PCDHGA11: variants seen among roughly 807,000 people sequenced by gnomAD.
PCDHGA11 encodes protocadherin gamma-A11.
A neutral mutation model predicts 60.4 loss-of-function variants in PCDHGA11; 39 were observed. The observed-to-expected ratio is 0.65, with a 90% CI of 0.50 to 0.84. PCDHGA11 has a LOEUF of 0.84. Ranked by LOEUF, PCDHGA11 falls within the 40% of genes least tolerant of loss-of-function variation. The pLI, the probability that PCDHGA11 is intolerant of heterozygous loss-of-function variation, is 0.00. For missense variants in PCDHGA11, 1,165 were observed against 1,197.7 expected (o/e 0.97, Z 0.40); for synonymous variants, 533 against 510.3 (o/e 1.04, Z -0.60).
chr5:141,441,762 C>T (rs3805697), intron 1 of PCDHGA11: 63,073 of 367,490 alleles, frequency 0.17, 6,544 homozygotes, highest in Admixed American at 0.27. Context: ...CGTGAGCCTG[C>T]GCGTGTTGGT....
chr5:141,491,895 A>C lies in PCDHGA11; in HGVS notation c.2434-2912A>C. 1.4e-6 allele frequency: 2 copies of C among 1,434,306 alleles called. No individual in the cohort carries two copies. The highest frequency in any genetic ancestry group is 1.8e-6 in the Non-Finnish European group (2 of 1,084,904). 88.8% of individuals were successfully genotyped at this position (1,434,306 alleles called of 1,614,324 possible). Reference sequence around the variant, plus strand: ...CCGATTAAGGGATGGGGCTCCGAGCACCGGGGGTGGTGGCGACTGTGGGCG... The same window carrying C: ...CCGATTAAGGGATGGGGCTCCGAGCCCCGGGGGTGGTGGCGACTGTGGGCG... On this transcript the variant is annotated intron_variant, in intron 1 of 3. Transcript: ENST00000398587. The surrounding 1 kb of genome is among the most constrained non-coding windows in gnomAD (Gnocchi z 6.9).
chr5:141,510,839 C>T (rs186647886), intron 3 of PCDHGA11, 108 bp from the exon 4 acceptor site: 36 of 1,586,990 alleles, frequency 2.3e-5, no homozygotes, highest in Non-Finnish European at 3.1e-5. Context: ...TCAGCGTGGT[C>T]AAGGCCCAGG....
At chr5:141,447,238 C>G (rs1028683423) in intron 1 of PCDHGA11, among the ~76,000 whole-genome samples, 2 of 152,148 alleles carry the variant, frequency 1.3e-5, no homozygotes, top group Non-Finnish European at 2.9e-5. Context: ...CTCCCGGGTT[C>G]AAGTGATTCT....
chr5:141,421,243 C>T lies in PCDHGA11; in HGVS notation c.16C>T (p.Gln6Ter), dbSNP rs201273667. Reference sequence around the variant, plus strand: ...AGAGCCTGCCATGGCGAATCGGCTACAGCGCGGGGACCGCAGTCGGCTGCT... The same window carrying T: ...AGAGCCTGCCATGGCGAATCGGCTATAGCGCGGGGACCGCAGTCGGCTGCT... MANRL[Q>*]RGDRSRLLLL... Residue 6 changes from glutamine to a stop codon, truncating the protein, a stop_gained, in exon 1 of 4, where the codon CAG becomes TAG. Transcript: ENST00000398587. LOFTEE classifies it high-confidence loss of function. The T allele has an allele frequency of 7.5e-6, 12 of 1,601,540 alleles. No homozygotes were observed. The highest frequency in any genetic ancestry group is 1.0e-5 in the Non-Finnish European group (12 of 1,175,480).
Position 141,489,316 on chromosome 5 carries a change from T to C in PCDHGA11, c.2434-5491T>C, listed in dbSNP as rs2099685399. On this transcript the variant is annotated intron_variant, in intron 1 of 3. Transcript: ENST00000398587. This position sits in a 1 kb window ranked among gnomAD's most constrained non-coding sequence, Gnocchi z 4.5. The stretch of plus-strand genomic sequence containing the variant: ...CATGTTGTCCTTGTGCTGCTGGGGC[T>C]GGGTGTCTGGGCAGCTTCGTTACTC... The C allele has an allele frequency of 1.3e-6, 2 of 1,597,946 alleles. No individual in the cohort carries two copies. Among genetic ancestry groups the C allele is most frequent in the Admixed American group, 1.7e-5 (1 of 58,864 alleles).
chr5:141,480,102 T>C (rs568342271), intron 1 of PCDHGA11, among the ~76,000 whole-genome samples: 1 of 152,320 alleles, frequency 6.6e-6, no homozygotes, highest in South Asian at 2.1e-4. Flanking sequence ...GCAAAGTGTT[T>C]AGCATGGTGC....
chr5:141,499,233 C>A (rs1047984757), intron 2 of PCDHGA11, among the ~76,000 whole-genome samples: 2 of 152,116 alleles, frequency 1.3e-5, no homozygotes, highest in Non-Finnish European at 2.9e-5. Context: ...CAGCTGTCCC[C>A]AGCCTCTGCA....
chr5:141,460,766 A>G (rs1370331016), intron 1 of PCDHGA11, among the ~76,000 whole-genome samples: 1 of 152,056 alleles, frequency 6.6e-6, no homozygotes, highest in Non-Finnish European at 1.5e-5. Flanking sequence ...TACATATTGC[A>G]TATGTATGTA....
At chr5:141,437,042 A>G (rs1355358776) in intron 1 of PCDHGA11, among the ~76,000 whole-genome samples, 1 of 152,264 alleles carries the variant, frequency 6.6e-6, no homozygotes, top group Non-Finnish European at 1.5e-5. Context: ...CACCGAAACC[A>G]GAAGGCTGGT....
At chr5:141,509,344 T>A (rs2099876374) in intron 3 of PCDHGA11, among the ~76,000 whole-genome samples, 1 of 152,202 alleles carries the variant, frequency 6.6e-6, no homozygotes, top group Admixed American at 6.5e-5. Flanking sequence ...GGGCCTGGGC[T>A]GGCCTGGGCA....
chr5:141,490,906 G>A lies in PCDHGA11; in HGVS notation c.2434-3901G>A, dbSNP rs2099705910. 1 of 1,613,798 alleles carries A rather than the reference G, an allele frequency of 6.2e-7. No individual in the cohort carries two copies. Among genetic ancestry groups the A allele is most frequent in the Non-Finnish European group, 8.5e-7 (1 of 1,179,808 alleles). ...CACATCTCTGCATGTGTTTGTCCTA[G>A]ACGAGAATGATAATGCCCCAGCTGT... On this transcript the variant is annotated intron_variant, in intron 1 of 3. Coordinates refer to ENST00000398587, the MANE Select transcript of PCDHGA11 (RefSeq NM_018914.3). The surrounding 1 kb of genome is among the most constrained non-coding windows in gnomAD (Gnocchi z 5.4).
At position 141,510,965 on chromosome 5, in the gene PCDHGA11, C is replaced by T. The variant is rs1473736492; in HGVS notation, c.2600C>T (p.Ser867Phe). The T allele has an allele frequency of 3.1e-6, 5 of 1,614,026 alleles. No homozygotes were observed. The highest frequency in any genetic ancestry group is 4.2e-6 in the Non-Finnish European group (5 of 1,180,020). The change falls in exon 4 of 4, where the codon TCC becomes TTC. Residue 867 changes from serine (S) to phenylalanine (F), a missense_variant. Transcript: ENST00000398587. ...TCTGCAGAAGCTGCTGATGGGAGCT[C>T]CACCCTGGGAGGGGGTGCCGGCACC... ...ASASEAADGS[S>F]TLGGGAGTMG...
chr5:141,478,856 T>G (rs1372487685), intron 1 of PCDHGA11: 2 of 1,353,224 alleles, frequency 1.5e-6, no homozygotes, highest in Non-Finnish European at 2.0e-6. Flanking sequence ...AAACACAAGA[T>G]CTCAGCGATC....
chr5:141,433,076 C>G, intron 1 of PCDHGA11: 1 of 1,614,188 alleles, frequency 6.2e-7, no homozygotes, highest in Non-Finnish European at 8.5e-7. Context: ...CTTCCCCCAG[C>G]CCAACTATGC....
rs371079504 is a variant in PCDHGA11 at position 141,422,041 on chromosome 5, G to A, written c.814G>A (p.Glu272Lys). The A allele has an allele frequency of 2.1e-5, 34 of 1,611,632 alleles. No individual in the cohort carries two copies. Among genetic ancestry groups the A allele is most frequent in the Non-Finnish European group, 2.9e-5 (34 of 1,179,222 alleles). The change falls in exon 1 of 4, where the codon GAG becomes AAG. Residue 272 changes from glutamate to lysine, a missense_variant. Coordinates refer to ENST00000398587, the MANE Select transcript of PCDHGA11 (RefSeq NM_018914.3). ...VLMVNATDPD[E>K]GINGEVMYSF... ...GATGGTTAATGCAACGGATCCAGAC[G>A]AGGGAATCAACGGGGAAGTAATGTA...
Position 141,463,645 on chromosome 5 carries a change from G to T in PCDHGA11, c.2434-31162G>T, listed in dbSNP as rs372962993. ...TTGTATTTTGTTTAGTAGAGACGGG[G>T]TTTCACCGTGTTAGCCAGGATGGTC... On this transcript the variant is annotated intron_variant, in intron 1 of 3. Transcript: ENST00000398587. 7.9e-5 allele frequency among the ~76,000 whole-genome samples: 12 copies of T among 151,840 alleles called. No individual in the cohort carries two copies. In the East Asian group the frequency reaches 2.1e-3, roughly 27 times the overall value.
intron 1 of PCDHGA11, 100 bp from the exon 2 acceptor site, chr5:141,494,707 G>A: frequency 2.5e-6 from 4 of 1,599,238 alleles, no homozygotes; most frequent in Non-Finnish European, 3.4e-6. Context: ...TCTTCTCTGT[G>A]CCCACTCCCC....
In PCDHGA11 at chr5:141,490,647, G is replaced by T; in HGVS notation, c.2434-4160G>T. 6.2e-7 allele frequency: 1 copy of T among 1,614,084 alleles called. No homozygotes were observed. Among genetic ancestry groups the T allele is most frequent in the Non-Finnish European group, 8.5e-7 (1 of 1,180,014 alleles). ...CTTACATCCTAGAAAACCGGCCTCCGGGCTCCCTTCTTTGCACTGTGGCTG... is the reference window on the plus strand; with the variant it reads ...CTTACATCCTAGAAAACCGGCCTCCTGGCTCCCTTCTTTGCACTGTGGCTG... On this transcript the variant is annotated intron_variant, in intron 1 of 3. Transcript: ENST00000398587. This position sits in a 1 kb window ranked among gnomAD's most constrained non-coding sequence, Gnocchi z 5.4.
In PCDHGA11 at chr5:141,491,534, G is replaced by A. The variant is rs376996144; in HGVS notation, c.2434-3273G>A. On this transcript the variant is annotated intron_variant, in intron 1 of 3. Coordinates refer to ENST00000398587, the MANE Select transcript of PCDHGA11 (RefSeq NM_018914.3). This position sits in a 1 kb window ranked among gnomAD's most constrained non-coding sequence, Gnocchi z 6.9. The stretch of plus-strand genomic sequence containing the variant: ...CTCAAGTACATGGAGGTGACGCTGC[G>A]GCCCACAGACTCGCAGAGCCACTGC... The A allele has an allele frequency of 6.2e-7, 1 of 1,614,030 alleles. No homozygotes were observed. The highest frequency in any genetic ancestry group is 8.5e-7 in the Non-Finnish European group (1 of 1,180,028).
Sources: gnomAD v4.1 joint callset for allele counts (sites outside exome capture counted in the v4.1 genomes callset) on GRCh38, gnomAD v4.1.1 for gene constraint, Gnocchi (gnomAD v3.1) non-coding constraint, MANE v1.5 for transcripts, NCBI Gene and HGNC (gene_info 2026-07-23, HGNC 2026-07-21) for gene names.